The following PLCXD3 variants were observed in gnomAD, a reference collection of about 807,000 sequenced individuals.
PLCXD3 encodes phosphatidylinositol specific phospholipase C X domain containing 3, also known as PI-PLC X domain-containing protein 3.
In PLCXD3, 19 loss-of-function variants were observed where a neutral mutation model predicts 25.5. That is an observed-to-expected ratio of 0.75 (90% CI 0.52 to 1.09). PLCXD3 has a LOEUF of 1.09. Among genes scored for constraint, PLCXD3 ranks in the 50% least tolerant of loss-of-function variants. The probability of loss-of-function intolerance (pLI) is 0.00; values close to 1 mark genes in which losing one functional copy is unlikely to be tolerated. For synonymous variants in PLCXD3, 174 were observed against 137.6 expected (o/e 1.26, Z -1.85); for missense variants, 411 against 388.1 (o/e 1.06, Z -0.50).
At chr5:41,350,804 T>C (rs1467478057) in intron 2 of PLCXD3, among the ~76,000 whole-genome samples, 1 of 152,222 alleles carries the variant, frequency 6.6e-6, no homozygotes, top group African/African-American at 2.4e-5. Flanking sequence ...GTAATAAGTA[T>C]ATTGCATAAG....
chr5:41,470,135 T>G (rs969162102), intron 1 of PLCXD3, among the ~76,000 whole-genome samples: 33 of 152,170 alleles, frequency 2.2e-4, no homozygotes, highest in African/African-American at 7.7e-4. Flanking sequence ...GCAGATTAAA[T>G]ATGCATGTTT....
chr5:41,445,041 G>A (rs1310380132), intron 1 of PLCXD3, among the ~76,000 whole-genome samples: 1 of 152,174 alleles, frequency 6.6e-6, no homozygotes, highest in Admixed American at 6.5e-5. Flanking sequence ...AATATGACAT[G>A]CTTTCTCTGA....
At chr5:41,383,244 A>C (rs188296156) in intron 1 of PLCXD3, among the ~76,000 whole-genome samples, 22 of 152,270 alleles carry the variant, frequency 1.4e-4, no homozygotes, top group African/African-American at 4.6e-4. Flanking sequence ...ACAGCATTTA[A>C]AAATTAACTA....
intron 1 of PLCXD3, among the ~76,000 whole-genome samples, chr5:41,395,128 C>T (rs12513719): frequency 0.11 from 16,578 of 152,118 alleles, 1,081 homozygotes; most frequent in Admixed American, 0.17. Flanking sequence ...CAAGCATCTT[C>T]TCTGACCACA....
intron 2 of PLCXD3, among the ~76,000 whole-genome samples, chr5:41,358,998 C>A (rs149630474): frequency 1.3e-5 from 2 of 152,072 alleles, no homozygotes; most frequent in African/African-American, 2.4e-5. Flanking sequence ...CTTTTTAATT[C>A]TTTTTATGTG....
chr5:41,396,999 A>G (rs897393692), intron 1 of PLCXD3, among the ~76,000 whole-genome samples: 2 of 152,206 alleles, frequency 1.3e-5, no homozygotes, highest in Non-Finnish European at 2.9e-5. Flanking sequence ...TAGAACTTAC[A>G]TTTAAAAGGA....
intron 1 of PLCXD3, among the ~76,000 whole-genome samples, chr5:41,416,961 C>T (rs763618984): frequency 3.7e-4 from 56 of 152,122 alleles, no homozygotes; most frequent in African/African-American, 1.2e-3. Context: ...CCAGACCAAT[C>T]ATCAGACTGA....
intron 2 of PLCXD3, among the ~76,000 whole-genome samples, chr5:41,371,263 A>G (rs1745087458): frequency 6.6e-6 from 1 of 152,168 alleles, no homozygotes; most frequent in South Asian, 2.1e-4. Context: ...TCCTCTTTTG[A>G]CATTTTATTG....
At chr5:41,438,820 T>G (rs1397458849) in intron 1 of PLCXD3, among the ~76,000 whole-genome samples, 2 of 150,704 alleles carry the variant, frequency 1.3e-5, no homozygotes, top group Non-Finnish European at 3.0e-5. Context: ...AAAAAAAAAC[T>G]TTACAAACTA....
In PLCXD3 at chr5:41,471,426, C is replaced by T. The variant is rs535451628; in HGVS notation, c.103+38998G>A. ...CCCTGTCACAGCAGAAAGCAAAACT[C>T]GGTTTCCCTCAGCTGATGCCCACCC... On this transcript the variant is annotated intron_variant, in intron 1 of 2. Coordinates refer to ENST00000377801, the MANE Select transcript of PLCXD3 (RefSeq NM_001005473.3). Among the ~76,000 whole-genome samples the T allele has an allele frequency of 6.2e-4, 94 of 152,236 alleles. 1 individual carries two copies. In the South Asian group the frequency reaches 0.019, roughly 31 times the overall value.
chr5:41,492,025 A>G (rs1324664044), intron 1 of PLCXD3, among the ~76,000 whole-genome samples: 1 of 152,296 alleles, frequency 6.6e-6, no homozygotes, highest in Admixed American at 6.5e-5. Context: ...CTTTCTTCCT[A>G]GCCTCGATGG....
At chr5:41,442,051 T>C (rs1425968211) in intron 1 of PLCXD3, among the ~76,000 whole-genome samples, 2 of 152,242 alleles carry the variant, frequency 1.3e-5, no homozygotes, top group East Asian at 1.9e-4. Context: ...ATTGTTGACG[T>C]CCATTGAAGA....
intron 1 of PLCXD3, among the ~76,000 whole-genome samples, chr5:41,479,599 T>C (rs533981463): frequency 1.1e-4 from 16 of 152,300 alleles, no homozygotes; most frequent in African/African-American, 3.4e-4. Context: ...GCTGTGCACA[T>C]ACCAAAAGCG....
chr5:41,314,716 A>C (rs1385299625), intron 2 of PLCXD3, among the ~76,000 whole-genome samples: 2 of 152,090 alleles, frequency 1.3e-5, no homozygotes, highest in African/African-American at 4.8e-5. Context: ...GAGAGTAGTA[A>C]AAAAAATGAG....
At chr5:41,506,872 G>C (rs1313009704) in intron 1 of PLCXD3, among the ~76,000 whole-genome samples, 2 of 152,164 alleles carry the variant, frequency 1.3e-5, no homozygotes, top group Non-Finnish European at 2.9e-5. Flanking sequence ...CCCTGTTGAA[G>C]AAAACATGGA....
At chr5:41,502,818 A>G (rs1329907194) in intron 1 of PLCXD3, among the ~76,000 whole-genome samples, 1 of 152,176 alleles carries the variant, frequency 6.6e-6, no homozygotes, top group Non-Finnish European at 1.5e-5. Context: ...GAACATTAAG[A>G]TCATCTCCAA....
chr5:41,363,370 A>C (rs964819092), intron 2 of PLCXD3, among the ~76,000 whole-genome samples: 3 of 152,178 alleles, frequency 2.0e-5, no homozygotes, highest in African/African-American at 7.2e-5. Context: ...AATACAGATA[A>C]TAATATATTT....
At chr5:41,472,743 G>A (rs1469619981) in intron 1 of PLCXD3, among the ~76,000 whole-genome samples, 2 of 152,332 alleles carry the variant, frequency 1.3e-5, no homozygotes, top group South Asian at 4.1e-4. Context: ...TGTTAGCAAC[G>A]TGCTGGATCT....
intron 1 of PLCXD3, among the ~76,000 whole-genome samples, chr5:41,427,090 G>A (rs1417409457): frequency 6.6e-6 from 1 of 152,002 alleles, no homozygotes; most frequent in Non-Finnish European, 1.5e-5. Context: ...TTTCCATGTG[G>A]ATAAATTTTT....
Sources: gnomAD v4.1 joint callset for allele counts (sites outside exome capture counted in the v4.1 genomes callset) on GRCh38, gnomAD v4.1.1 for gene constraint, MANE v1.5 for transcripts, NCBI Gene and HGNC (gene_info 2026-07-23, HGNC 2026-07-21) for gene names.